Variants in NLRP1 observed in about 807,000 individuals in gnomAD.
NLRP1 encodes the protein NLR family pyrin domain containing 1.
A neutral mutation model predicts 136.7 loss-of-function variants in NLRP1; 94 were observed. That is an observed-to-expected ratio of 0.69 (90% CI 0.58 to 0.82). The LOEUF is 0.82. Among genes scored for constraint, NLRP1 ranks in the 40% least tolerant of loss-of-function variants. The pLI is 0.00. For missense variants in NLRP1, 1,575 were observed against 1,802.7 expected, an observed-to-expected ratio of 0.87 and a Z score of 2.29; for synonymous variants, 690 against 725.1, an observed-to-expected ratio of 0.95 and a Z score of 0.78.
At chr17:5,529,885 T>C in intron 12 of NLRP1, 1 of 426,736 alleles carries the variant, frequency 2.3e-6, no homozygotes, top group African/African-American at 2.0e-5. Context: ...TTCTGGTGCC[T>C]TGTTTCCCCT....
intron 2 of NLRP1, 125 bp from the exon 3 acceptor site, chr17:5,582,187 T>G (rs975331211): frequency 1.3e-5 from 11 of 842,256 alleles, no homozygotes; most frequent in Non-Finnish European, 2.0e-5. Flanking sequence ...GAAAACCATG[T>G]TGAAGTAGAG....
intron 5 of NLRP1, among the ~76,000 whole-genome samples, chr17:5,547,934 GTAGGT>G (rs1912884386): frequency 6.6e-6 from 1 of 152,070 alleles, no homozygotes; most frequent in Admixed American, 6.5e-5. Flanking sequence ...TCCTTGGAAT[GTAGGT>G]TAGATTCCAT....
chr17:5,519,916 G>A (rs1423623251), intron 14 of NLRP1, among the ~76,000 whole-genome samples: 1 of 141,260 alleles, frequency 7.1e-6, no homozygotes, highest in East Asian at 2.1e-4. Context: ...GAGTGCAGTG[G>A]TGCACTCTCG....
In NLRP1 at chr17:5,559,219, A is replaced by G; in HGVS notation, c.1477T>C (p.Tyr493His). The G allele has an allele frequency of 6.2e-7, 1 of 1,614,184 alleles. No homozygotes were observed. The highest frequency in any genetic ancestry group is 8.5e-7 in the Non-Finnish European group (1 of 1,180,040). ...ESSRKEYFYR[Y>H]FTDERQAIRA... ...ATTGCTTGCCTTTCATCTGTGAAAT[A>G]TCTGTAGAAATATTCCTTCCTGCTG... The change falls in exon 4 of 17, where the codon TAT (tyrosine) becomes CAT (histidine). Residue 493 changes from tyrosine (Y) to histidine (H), a missense_variant. Transcript: ENST00000572272.
chr17:5,519,113 C>T lies in NLRP1; in HGVS notation c.3916-1226G>A, dbSNP rs1345706106. 3.9e-5 allele frequency among the ~76,000 whole-genome samples: 6 copies of T among 151,952 alleles called. No individual in the cohort carries two copies. The East Asian group carries it at 1.2e-3, about 30-fold the overall frequency. On this transcript the variant is annotated intron_variant, in intron 14 of 16. Transcript: ENST00000572272. Reference sequence around the variant, plus strand: ...CGCCTCCCAGGTTCATGCCATTCTCCTACCTCAGCCTCCCAAGTAGCTGGG... The same window carrying T: ...CGCCTCCCAGGTTCATGCCATTCTCTTACCTCAGCCTCCCAAGTAGCTGGG...
At chr17:5,549,541 A>G (rs1453885567) in intron 5 of NLRP1, among the ~76,000 whole-genome samples, 2 of 152,088 alleles carry the variant, frequency 1.3e-5, no homozygotes, top group Admixed American at 6.5e-5. Context: ...CAGCCTCCCA[A>G]AGTGCTGGGA....
Position 5,532,730 on chromosome 17 carries a change from G to T in NLRP1, c.3296+92C>A, listed in dbSNP as rs1247486864. 35 of 1,158,050 alleles carry T rather than the reference G, an allele frequency of 3.0e-5. No individual in the cohort carries two copies. In the East Asian group the frequency reaches 9.6e-4, roughly 32 times the overall value. 71.7% of individuals were successfully genotyped at this position (1,158,050 alleles called of 1,614,324 possible). On this transcript the variant is annotated intron_variant, in intron 11 of 16. Coordinates refer to ENST00000572272, the MANE Select transcript of NLRP1 (RefSeq NM_033004.4). Reference sequence around the variant, plus strand: ...GACCCAGTGGTGAGTGTGAGTTGGGGGTAGGGGGTGGCGCTGACTGTCTGT... The same window carrying T: ...GACCCAGTGGTGAGTGTGAGTTGGGTGTAGGGGGTGGCGCTGACTGTCTGT...
At position 5,539,405 on chromosome 17, in the gene NLRP1, A is replaced by G; in HGVS notation, c.2870+10T>C. 6.2e-7 allele frequency: 1 copy of G among 1,607,820 alleles called. No individual in the cohort carries two copies. Among genetic ancestry groups the G allele is most frequent in the Non-Finnish European group, 8.5e-7 (1 of 1,176,988 alleles). On this transcript the variant is annotated intron_variant, in intron 7 of 16. Transcript: ENST00000572272. Reference sequence around the variant, plus strand: ...TTCCCTCTGCCCAGAAGGGACCCACAGGGCCTTACCCCAGGCGTATGAGTT... The same window carrying G: ...TTCCCTCTGCCCAGAAGGGACCCACGGGGCCTTACCCCAGGCGTATGAGTT...
chr17:5,526,795 A>G (rs930650138), intron 12 of NLRP1, among the ~76,000 whole-genome samples: 3 of 152,162 alleles, frequency 2.0e-5, no homozygotes, highest in Admixed American at 6.5e-5. Context: ...GCTGGGCCCT[A>G]TGACTGCTGG....
chr17:5,521,415 A>G, intron 13 of NLRP1, 109 bp downstream of exon 13: 1 of 1,162,368 alleles, frequency 8.6e-7, no homozygotes, highest in African/African-American at 1.5e-5. Context: ...CTCCTGTACA[A>G]GAGGCCCATC....
At chr17:5,511,439 T>TAAAAACA (rs748119574), downstream of NLRP1, among the ~76,000 whole-genome samples, 1 of 137,346 alleles carries the variant, frequency 7.3e-6, no homozygotes, top group Non-Finnish European at 1.6e-5. Flanking sequence ...AGCCTCCGTC[T>TAAAAACA]AAAAAAAAAA....
chr17:5,535,546 A>AC (rs1910936275), intron 8 of NLRP1, among the ~76,000 whole-genome samples: 1 of 152,044 alleles, frequency 6.6e-6, no homozygotes. Flanking sequence ...ACTCACACTG[A>AC]CCCCAGGTGC....
At chr17:5,501,872 C>T in exon 16 of NLRP1, 3 of 1,613,600 alleles carry the variant, frequency 1.9e-6, no homozygotes, top group Non-Finnish European at 2.5e-6. Flanking sequence ...GGTGTTCCTT[C>T]CTGGAATGGA....
intron 5 of NLRP1, among the ~76,000 whole-genome samples, chr17:5,552,304 C>T (rs1913474456): frequency 6.6e-6 from 1 of 152,048 alleles, no homozygotes; most frequent in South Asian, 2.1e-4. Context: ...ATGAACTCCT[C>T]AACTTTCCTT....
intron 15 of NLRP1, among the ~76,000 whole-genome samples, chr17:5,508,676 T>C (rs1056202621): frequency 6.6e-5 from 10 of 152,206 alleles, no homozygotes; most frequent in Non-Finnish European, 1.3e-4. Flanking sequence ...CAAGGAGTCA[T>C]GCAGGGGAAG....
Position 5,530,634 on chromosome 17 carries a change from C to T in NLRP1, c.3367G>A (p.Val1123Met), listed in dbSNP as rs763899886. 24 of 1,614,102 alleles carry T rather than the reference C, an allele frequency of 1.5e-5. No homozygotes were observed. In the Admixed American group the frequency reaches 3.7e-4, roughly 25 times the overall value. Residue 1123 changes from valine to methionine, a missense_variant, in exon 12 of 17, where the codon GTG becomes ATG. Physicochemically the swap from Val to Met is conservative, Grantham distance 21. Transcript: ENST00000572272. Reference protein sequence around the residue: ...TGLCFVMREAVTVEIEFCVWD... With the variant: ...TGLCFVMREAMTVEIEFCVWD... The stretch of plus-strand genomic sequence containing the variant: ...ACACAGAATTCAATCTCAACGGTCA[C>T]CGCTTCTCTCATCACAAAGCAGAGA...
chr17:5,560,522 C>T (rs572012556), intron 3 of NLRP1, among the ~76,000 whole-genome samples: 12 of 152,316 alleles, frequency 7.9e-5, no homozygotes, highest in African/African-American at 2.9e-4. Flanking sequence ...TGGTGTCCCT[C>T]GGCAACAGCT....
intron 8 of NLRP1, among the ~76,000 whole-genome samples, 184 bp from the exon 9 acceptor site, chr17:5,534,172 G>C (rs1223124330): frequency 6.6e-6 from 1 of 151,942 alleles, no homozygotes; most frequent in Non-Finnish European, 1.5e-5. Context: ...GACCAGCTTG[G>C]GTAACATAGT....
At position 5,539,591 on chromosome 17, in the gene NLRP1, G is replaced by C; in HGVS notation, c.2700-6C>G. 6.2e-7 allele frequency: 1 copy of C among 1,605,992 alleles called. No homozygotes were observed. The highest frequency in any genetic ancestry group is 8.5e-7 in the Non-Finnish European group (1 of 1,176,450). Reference sequence around the variant, plus strand: ...TGAGGCCACAGCTGACCAGCCTGCAGGAAAGATACACGCCAGCCCAGGTCA... The same window carrying C: ...TGAGGCCACAGCTGACCAGCCTGCACGAAAGATACACGCCAGCCCAGGTCA... On this transcript the variant is annotated splice_polypyrimidine_tract_variant and splice_region_variant and intron_variant, in intron 6 of 16. Transcript: ENST00000572272.
Sources: gnomAD v4.1 joint callset for allele counts (sites outside exome capture counted in the v4.1 genomes callset) on GRCh38, gnomAD v4.1.1 for gene constraint, MANE v1.5 for transcripts, NCBI Gene and HGNC (gene_info 2026-07-23, HGNC 2026-07-21) for gene names.